POLQ: variants seen among roughly 807,000 people sequenced by gnomAD.
POLQ encodes epididymis secretory sperm binding protein.
In POLQ, 233 loss-of-function variants were observed where a neutral mutation model predicts 259.2. The observed-to-expected ratio is 0.90, with a 90% CI of 0.81 to 1.00. The LOEUF (loss-of-function observed/expected upper bound fraction) is 1.00. Ranked by LOEUF, POLQ falls within the 50% of genes least tolerant of loss-of-function variation. The pLI, the probability that POLQ is intolerant of heterozygous loss-of-function variation, is 0.00. For synonymous variants in POLQ, 1,025 were observed against 1,048.8 expected (o/e 0.98, Z 0.44); for missense variants, 2,871 against 3,051.6 (o/e 0.94, Z 1.39).
At chr3:121,452,302 C>T (rs2047684981) in intron 25 of POLQ, among the ~76,000 whole-genome samples, 1 of 152,058 alleles carries the variant, frequency 6.6e-6, no homozygotes, top group Non-Finnish European at 1.5e-5. Context: ...TCCAACAAGC[C>T]CCAGTGAGAT....
intron 24 of POLQ, among the ~76,000 whole-genome samples, chr3:121,461,646 T>G (rs550688412): frequency 3.8e-5 from 1 of 26,606 alleles, no homozygotes; most frequent in Non-Finnish European, 7.0e-5. Context: ...TGAGACTCCG[T>G]CTCAAAAAAA....
intron 13 of POLQ, 60 bp from the exon 14 acceptor site, chr3:121,496,992 T>C (rs2048130447): frequency 6.4e-7 from 1 of 1,570,714 alleles, no homozygotes; most frequent in Admixed American, 1.9e-5. Flanking sequence ...GGCGATACAG[T>C]GTGTTGAAAA....
At chr3:121,532,053 T>A (rs946252130) in intron 6 of POLQ, among the ~76,000 whole-genome samples, 2 of 152,162 alleles carry the variant, frequency 1.3e-5, no homozygotes, top group Admixed American at 1.3e-4. Flanking sequence ...AGGATTAAAG[T>A]GTATTTGGGA....
intron 10 of POLQ, 91 bp from the exon 11 acceptor site, chr3:121,510,334 T>C (rs993282037): frequency 3.6e-6 from 3 of 834,718 alleles, no homozygotes; most frequent in African/African-American, 1.7e-5. Context: ...TCCCAGCACT[T>C]TGGGAGTCCG....
intron 2 of POLQ, among the ~76,000 whole-genome samples, chr3:121,542,114 C>T (rs924293744): frequency 2.8e-5 from 4 of 144,834 alleles, no homozygotes; most frequent in Middle Eastern, 3.3e-3. Flanking sequence ...CCAGCCTGGG[C>T]GACAGTGAGA....
At chr3:121,460,310 T>A in intron 24 of POLQ, 76 bp from the exon 25 acceptor site, 1 of 1,081,766 alleles carries the variant, frequency 9.2e-7, no homozygotes, top group South Asian at 1.5e-5. Flanking sequence ...ATCATATAAT[T>A]GAGCAGGATG....
chr3:121,525,607 G>A lies in POLQ; in HGVS notation c.1109-3458C>T, dbSNP rs145936830. ...TCATTCTCTAAAAATGTTTATATAC[G>A]GTACCAATCCTTTCGCCATTTGCTG... On this transcript the variant is annotated intron_variant, in intron 7 of 29. Coordinates refer to ENST00000264233, the MANE Select transcript of POLQ (RefSeq NM_199420.4). 4.9e-4 allele frequency among the ~76,000 whole-genome samples: 74 copies of A among 152,032 alleles called. 2 individuals are homozygous for A. The East Asian group carries it at 0.014, about 28-fold the overall frequency.
intron 19 of POLQ, among the ~76,000 whole-genome samples, chr3:121,480,256 G>T (rs1203240882): frequency 6.6e-6 from 1 of 151,986 alleles, no homozygotes; most frequent in African/African-American, 2.4e-5. Context: ...AATCAAAGTT[G>T]CAGTTAAAAT....
intron 25 of POLQ, among the ~76,000 whole-genome samples, chr3:121,455,402 T>C (rs1420513892): frequency 6.9e-6 from 1 of 144,228 alleles, no homozygotes; most frequent in African/African-American, 2.6e-5. Context: ...CTGAAGGAAA[T>C]AGAGACACAA....
intron 7 of POLQ, among the ~76,000 whole-genome samples, chr3:121,528,946 T>C (rs1024868793): frequency 6.6e-6 from 1 of 152,096 alleles, no homozygotes; most frequent in Non-Finnish European, 1.5e-5. Context: ...TGCGAGACTC[T>C]GTCTCAAAAA....
intron 14 of POLQ, 81 bp downstream of exon 14, chr3:121,496,727 T>C (rs2048127180): frequency 2.1e-6 from 3 of 1,405,964 alleles, no homozygotes; most frequent in African/African-American, 2.9e-5. Flanking sequence ...TACAATAAAA[T>C]GGAATTTGAA....
intron 14 of POLQ, among the ~76,000 whole-genome samples, chr3:121,496,467 G>A (rs888314730): frequency 5.3e-5 from 8 of 152,038 alleles, no homozygotes; most frequent in Non-Finnish European, 7.4e-5. Context: ...GAGCCACCGC[G>A]CCCGGCAATC....
chr3:121,534,022 G>A (rs1467797311), intron 5 of POLQ, among the ~76,000 whole-genome samples: 10 of 149,956 alleles, frequency 6.7e-5, no homozygotes, highest in South Asian at 2.1e-4. Flanking sequence ...GACTACAGGC[G>A]CCCACCACCA....
At chr3:121,462,053 G>A (rs185541381) in intron 24 of POLQ, among the ~76,000 whole-genome samples, 3 of 152,208 alleles carry the variant, frequency 2.0e-5, no homozygotes, top group Admixed American at 1.3e-4. Flanking sequence ...ATGCTCAAAC[G>A]TCACGCTCAC....
chr3:121,483,303 A>T (rs2047984697), intron 18 of POLQ, 83 bp downstream of exon 18: 1 of 695,024 alleles, frequency 1.4e-6, no homozygotes, highest in South Asian at 3.1e-5. Flanking sequence ...TGCATTATTG[A>T]TGCTAAGTAA....
At chr3:121,506,296 C>CAAAAA (rs1176497409) in intron 12 of POLQ, among the ~76,000 whole-genome samples, 1 of 151,480 alleles carries the variant, frequency 6.6e-6, no homozygotes, top group African/African-American at 2.4e-5. Flanking sequence ...AAAACAAAAA[C>CAAAAA]AAAAAAACAC....
intron 27 of POLQ, among the ~76,000 whole-genome samples, chr3:121,439,048 G>T (rs974529924): frequency 6.6e-6 from 1 of 152,108 alleles, no homozygotes. Context: ...AAAATAGGAA[G>T]ATATGAACTA....
In POLQ at chr3:121,467,602, C is replaced by T. The variant is rs889253409; in HGVS notation, c.6884G>A (p.Cys2295Tyr). The T allele has an allele frequency of 1.9e-6, 3 of 1,613,722 alleles. No homozygotes were observed. The African/African-American group carries it at 4.0e-5, about 22-fold the overall frequency. Residue 2295 changes from cysteine (C) to tyrosine (Y), a missense_variant, in exon 24 of 30, where the codon TGC becomes TAC. Around this residue, in one of 3 missense-constraint regions of POLQ, gnomAD observed 2,080 missense variants for 2,126.0 expected, o/e 0.98. Transcript: ENST00000264233. ...AGCTCTCTCCTCCATCTGTGCCTGG[C>T]ATCTAGGATTCACGCTGAAACCCTT... is the stretch of plus-strand genomic sequence containing the variant. Reference protein sequence around the residue: ...YKKGFSVNPRCQAQMEERAAD... With the variant: ...YKKGFSVNPRYQAQMEERAAD...
At chr3:121,494,853 G>A (rs1473701151) in intron 14 of POLQ, 45 of 1,584,752 alleles carry the variant, frequency 2.8e-5, no homozygotes, top group South Asian at 1.2e-4. Context: ...TCTGTGGCTC[G>A]TATCACCAAG....
Sources: gnomAD v4.1 joint callset for allele counts (sites outside exome capture counted in the v4.1 genomes callset) on GRCh38, gnomAD v4.1.1 for gene constraint, gnomAD v4.1.1 regional missense constraint, MANE v1.5 for transcripts, NCBI Gene and HGNC (gene_info 2026-07-23, HGNC 2026-07-21) for gene names.